CNOT6: variants seen among roughly 807,000 people sequenced by gnomAD.
CNOT6 encodes carbon catabolite repression 4 protein.
CNOT6 carries 12 observed loss-of-function variants against 61.2 expected under a neutral mutation model. The observed-to-expected ratio is 0.20, with a 90% CI of 0.13 to 0.32. The LOEUF is 0.32. CNOT6 is among the 10% of genes least tolerant of loss of function. The pLI is 1.00. For synonymous variants in CNOT6, 225 were observed against 240.6 expected (o/e 0.94, Z 0.60); for missense variants, 405 against 663.9 (o/e 0.61, Z 4.28).
intron 1 of CNOT6, chr5:180,495,604 T>G (rs763064386): frequency 6.6e-6 from 1 of 152,248 alleles, no homozygotes; most frequent in Non-Finnish European, 1.5e-5. Context: ...CTGATGTGTT[T>G]TAGATAATCT....
At chr5:180,563,903 T>C (rs550690703) in intron 4 of CNOT6, among the ~76,000 whole-genome samples, 9 of 152,184 alleles carry the variant, frequency 5.9e-5, no homozygotes, top group East Asian at 5.8e-4. Flanking sequence ...AAAGCAGTTA[T>C]TGAATTTACA....
Position 180,574,093 on chromosome 5 carries a change from C to T in CNOT6, c.1567C>T (p.Pro523Ser). 6.2e-7 allele frequency: 1 copy of T among 1,613,996 alleles called. No individual in the cohort carries two copies. Among genetic ancestry groups the T allele is most frequent in the Admixed American group, 1.7e-5 (1 of 60,016 alleles). ...WLVENNISGC[P>S]HPLIPSDHFS... ...GGTTGAGAATAACATCAGTGGCTGC[C>T]CGCACCCCCTCATCCCCTCTGACCA... Residue 523 changes from proline to serine, a missense_variant, in exon 12 of 12, where the codon CCG becomes TCG. Physicochemically the swap from Pro to Ser is moderately conservative, Grantham distance 74. This residue lies in a region of CNOT6 where 52 missense variants were observed against 69.3 expected (regional missense o/e 0.75). Coordinates refer to ENST00000261951, the MANE Select transcript of CNOT6 (RefSeq NM_001370472.1).
chr5:180,545,898 G>C (rs1048129271), intron 2 of CNOT6, among the ~76,000 whole-genome samples: 4 of 151,916 alleles, frequency 2.6e-5, no homozygotes, highest in Non-Finnish European at 4.4e-5. Context: ...GTTTAAATTT[G>C]CATTTCCCTA....
intron 2 of CNOT6, among the ~76,000 whole-genome samples, chr5:180,549,660 G>C (rs1759500237): frequency 1.3e-5 from 2 of 151,674 alleles, no homozygotes; most frequent in East Asian, 1.9e-4. Context: ...AAAAAAAAAA[G>C]GATAAATTAT....
chr5:180,531,949 G>A (rs978058974), intron 2 of CNOT6, among the ~76,000 whole-genome samples: 2 of 152,202 alleles, frequency 1.3e-5, no homozygotes, highest in African/African-American at 4.8e-5. Flanking sequence ...GTCCAGCCTC[G>A]GCTTTCACAA....
At chr5:180,547,637 G>A (rs895012149) in intron 2 of CNOT6, among the ~76,000 whole-genome samples, 2 of 152,130 alleles carry the variant, frequency 1.3e-5, no homozygotes, top group African/African-American at 4.8e-5. Context: ...TTCCCCTCTG[G>A]TGGCTTTTTA....
chr5:180,526,579 T>C (rs1437709060), intron 1 of CNOT6, among the ~76,000 whole-genome samples: 26 of 152,144 alleles, frequency 1.7e-4, no homozygotes, highest in Admixed American at 1.7e-3. Flanking sequence ...GAGAAGGGGA[T>C]AGACTAGGAA....
chr5:180,550,400 A>G (rs1403605093), intron 3 of CNOT6, among the ~76,000 whole-genome samples: 4 of 151,954 alleles, frequency 2.6e-5, no homozygotes, highest in Admixed American at 2.0e-4. Context: ...CAGTGAGCCG[A>G]GATCACACCG....
At chr5:180,546,472 G>C (rs565467139) in intron 2 of CNOT6, among the ~76,000 whole-genome samples, 8 of 152,210 alleles carry the variant, frequency 5.3e-5, no homozygotes, top group East Asian at 1.9e-4. Context: ...ACAGTGTGCT[G>C]TCAAGTACTA....
In CNOT6 at chr5:180,525,829, G is replaced by A. The variant is rs535167160; in HGVS notation, c.-2-3446G>A. Among the ~76,000 whole-genome samples the A allele has an allele frequency of 3.3e-5, 5 of 152,072 alleles. No individual in the cohort carries two copies. The East Asian group carries it at 7.7e-4, about 23-fold the overall frequency. On this transcript the variant is annotated intron_variant, in intron 1 of 11. Transcript: ENST00000261951. ...AAGCAGTGTGTTTCTAGGCGGGGGC[G>A]ATCATCTATATCAAATGCTGATCAT...
intron 2 of CNOT6, among the ~76,000 whole-genome samples, chr5:180,536,626 T>C (rs1205774556): frequency 6.6e-6 from 1 of 151,984 alleles, no homozygotes. Flanking sequence ...TTGTTTTGTT[T>C]TGGAGACAGG....
intron 2 of CNOT6, among the ~76,000 whole-genome samples, chr5:180,538,703 T>C (rs1758851836): frequency 7.2e-6 from 1 of 138,254 alleles, no homozygotes; most frequent in African/African-American, 3.1e-5. Flanking sequence ...TATATATATA[T>C]ATATATATAT....
Position 180,500,441 on chromosome 5 carries a change from C to T in CNOT6, c.-3+5678C>T, listed in dbSNP as rs13172168. On this transcript the variant is annotated intron_variant, in intron 1 of 11. Transcript: ENST00000261951. ...TCACGTTTTCTTTTTCTTTTCTTTTCTTTTTTTTTTTTTTGAGATGGAGTC... is the reference window on the plus strand; with the variant it reads ...TCACGTTTTCTTTTTCTTTTCTTTTTTTTTTTTTTTTTTTGAGATGGAGTC... Among the ~76,000 whole-genome samples, 3 of 126,620 alleles carry T rather than the reference C, an allele frequency of 2.4e-5. 1 individual carries two copies. The South Asian group carries it at 7.3e-4, about 31-fold the overall frequency. 83.1% of individuals were successfully genotyped at this position (126,620 alleles called of 152,430 possible).
chr5:180,527,937 T>C (rs11743298), intron 1 of CNOT6, among the ~76,000 whole-genome samples: 70,899 of 151,918 alleles, frequency 0.47, 17,571 homozygotes, highest in Non-Finnish European at 0.56. Context: ...AGGCTGTGCG[T>C]TCCTTATGAT....
At chr5:180,512,599 CTTAT>C (rs888243099) in intron 1 of CNOT6, among the ~76,000 whole-genome samples, 1 of 152,100 alleles carries the variant, frequency 6.6e-6, no homozygotes, top group African/African-American at 2.4e-5. Context: ...TATTTTTATT[CTTAT>C]TTATTTATTT....
At chr5:180,547,690 T>A (rs1441868979) in intron 2 of CNOT6, among the ~76,000 whole-genome samples, 1 of 152,192 alleles carries the variant, frequency 6.6e-6, no homozygotes, top group Non-Finnish European at 1.5e-5. Context: ...TACATGTAAT[T>A]TTCTTTTATG....
rs56266069 is a variant in CNOT6 at position 180,533,312 on chromosome 5, C to CTATATATA, written c.112+3948_112+3955dup. 4.0e-3 allele frequency among the ~76,000 whole-genome samples: 509 copies of CTATATATA among 127,512 alleles called. 6 individuals carry two copies. The highest frequency in any genetic ancestry group is 0.011 in the East Asian group (45 of 3,914). The allele number at this position is 127,512 out of a possible 152,430, so 83.7% of individuals were successfully genotyped here. A position where few individuals can be genotyped will look rare whatever the true frequency, so the allele number is the denominator to read the frequency against. On this transcript the variant is annotated intron_variant, in intron 2 of 11. Transcript: ENST00000261951. ...GGAACCAGGAACCATGGATGAAAAC[C>CTATATATA]TATATATATATATATATATATATAT...
In CNOT6 at chr5:180,571,315, C is replaced by T; in HGVS notation, c.1344C>T (p.Asn448=). ...KELRYNESLT[N]FSCHGKNGTT... ...TGAGGTATAATGAAAGTCTCACAAACTTCAGCTGTCATGGGAAGAATGGAA... is the reference window on the plus strand; with the variant it reads ...TGAGGTATAATGAAAGTCTCACAAATTTCAGCTGTCATGGGAAGAATGGAA... Residue 448 remains asparagine, a synonymous_variant, in exon 11 of 12, where the codon AAC becomes AAT. Coordinates refer to ENST00000261951, the MANE Select transcript of CNOT6 (RefSeq NM_001370472.1). The T allele has an allele frequency of 4.3e-6, 7 of 1,613,928 alleles. No individual in the cohort carries two copies. Among genetic ancestry groups the T allele is most frequent in the Non-Finnish European group, 5.9e-6 (7 of 1,179,816 alleles).
chr5:180,539,644 C>A (rs1453502917), intron 2 of CNOT6, among the ~76,000 whole-genome samples: 57 of 118,096 alleles, frequency 4.8e-4, no homozygotes, highest in African/African-American at 1.7e-3. Flanking sequence ...GGCTGGAGTG[C>A]AGTGGTGTGA....
Sources: allele counts gnomAD v4.1 joint callset (sites outside exome capture counted in the v4.1 genomes callset), GRCh38; gene constraint gnomAD v4.1.1; regional missense constraint gnomAD v4.1.1; transcripts MANE v1.5; gene names NCBI Gene and HGNC (gene_info 2026-07-23, HGNC 2026-07-21).